The following PPFIA2 variants were observed in gnomAD, a reference collection of about 807,000 sequenced individuals.
PPFIA2 encodes the protein liprin-alpha-2.
A neutral mutation model predicts 175.5 loss-of-function variants in PPFIA2; 46 were observed. That is an observed-to-expected ratio of 0.26 (90% CI 0.21 to 0.34). PPFIA2 has a LOEUF of 0.34. Among genes scored for constraint, PPFIA2 ranks in the 10% least tolerant of loss-of-function variants. The pLI, the probability that PPFIA2 is intolerant of heterozygous loss-of-function variation, is 1.00. For synonymous variants in PPFIA2, 568 were observed against 511.4 expected, an observed-to-expected ratio of 1.11 and a Z score of -1.49; for missense variants, 1,179 against 1,506.1, an observed-to-expected ratio of 0.78 and a Z score of 3.60.
intron 7 of PPFIA2, among the ~76,000 whole-genome samples, chr12:81,422,775 A>G (rs560479293): frequency 1.3e-5 from 2 of 152,214 alleles, no homozygotes; most frequent in East Asian, 3.9e-4. Flanking sequence ...TTGGGTGGGG[A>G]CACAGCCAAA....
chr12:81,447,159 G>A (rs1044253609), intron 5 of PPFIA2, among the ~76,000 whole-genome samples: 3 of 151,776 alleles, frequency 2.0e-5, no homozygotes, highest in Non-Finnish European at 4.4e-5. Context: ...AATAATAGTA[G>A]TTTTTCAGTA....
intron 13 of PPFIA2, chr12:81,368,054 T>G: frequency 8.4e-7 from 1 of 1,189,822 alleles, no homozygotes; most frequent in Non-Finnish European, 1.1e-6. Context: ...TGATTGGCAT[T>G]CAATCTAGAT....
At chr12:81,637,998 C>G (rs1454522844) in intron 4 of PPFIA2, among the ~76,000 whole-genome samples, 2 of 152,190 alleles carry the variant, frequency 1.3e-5, no homozygotes, top group Non-Finnish European at 2.9e-5. Context: ...TGCTCAGTCA[C>G]AGAAGAAGAA....
chr12:81,541,583 T>TA (rs1312715262), intron 4 of PPFIA2, among the ~76,000 whole-genome samples: 4 of 152,024 alleles, frequency 2.6e-5, no homozygotes, highest in South Asian at 2.1e-4. Context: ...TGTTGAAAAA[T>TA]AAAAAAATAC....
intron 8 of PPFIA2, among the ~76,000 whole-genome samples, chr12:81,400,378 C>A: frequency 6.6e-6 from 1 of 152,236 alleles, no homozygotes; most frequent in South Asian, 2.1e-4. Context: ...TTGATAAAGG[C>A]ACATCCCGTA....
chr12:81,502,366 G>T (rs2060677010), intron 4 of PPFIA2, among the ~76,000 whole-genome samples: 1 of 152,184 alleles, frequency 6.6e-6, no homozygotes, highest in South Asian at 2.1e-4. Context: ...TGTAGAATCA[G>T]TTTTCAGTTC....
chr12:81,459,138 T>G (rs992737779), intron 4 of PPFIA2, among the ~76,000 whole-genome samples: 7 of 152,290 alleles, frequency 4.6e-5, no homozygotes, highest in African/African-American at 1.4e-4. Flanking sequence ...AGGGCTTAGA[T>G]TCTAGATGAC....
Position 81,642,720 on chromosome 12 carries a change from T to TGCAATAC in PPFIA2, c.303+34070_303+34071insGTATTGC, listed in dbSNP as rs2065296342. On this transcript the variant is annotated intron_variant, in intron 4 of 32. Transcript: ENST00000549396. Reference sequence around the variant, plus strand: ...TACATGTATATGTATGTATGTATTATATACATACATGTATATGTATGTATG... The same window carrying TGCAATAC: ...TACATGTATATGTATGTATGTATTATGCAATACATACATACATGTATATGTATGTATG... Among the ~76,000 whole-genome samples, 2 of 112,340 alleles carry TGCAATAC rather than the reference T, an allele frequency of 1.8e-5. 1 individual carries two copies. Among genetic ancestry groups the TGCAATAC allele is most frequent in the African/African-American group, 6.6e-5 (2 of 30,122 alleles). 73.7% of individuals were successfully genotyped at this position (112,340 alleles called of 152,430 possible). A position where few individuals can be genotyped will look rare whatever the true frequency, so the allele number is the denominator to read the frequency against.
intron 3 of PPFIA2, among the ~76,000 whole-genome samples, chr12:81,712,498 C>G (rs1463750817): frequency 1.3e-5 from 2 of 151,050 alleles, no homozygotes; most frequent in African/African-American, 4.8e-5. Context: ...GCAGTGTTGC[C>G]TAAGCTCCTA....
chr12:81,360,156 C>T (rs1313256305), intron 15 of PPFIA2, among the ~76,000 whole-genome samples: 1 of 151,892 alleles, frequency 6.6e-6, no homozygotes, highest in Non-Finnish European at 1.5e-5. Flanking sequence ...TCCTCAAACT[C>T]ATCTCTCTCC....
chr12:81,365,471 T>A (rs984955150), intron 14 of PPFIA2, among the ~76,000 whole-genome samples: 5 of 151,606 alleles, frequency 3.3e-5, no homozygotes, highest in African/African-American at 9.7e-5. Context: ...TGGTAGGTGG[T>A]GGGGGAGTGG....
intron 7 of PPFIA2, among the ~76,000 whole-genome samples, chr12:81,418,993 C>A (rs559699907): frequency 6.6e-6 from 1 of 151,880 alleles, no homozygotes; most frequent in South Asian, 2.1e-4. Context: ...ATGTCAATTG[C>A]ATTTTCAATA....
rs1177883596 is a variant in PPFIA2 at position 81,259,216 on chromosome 12, A to C, written c.*478T>G. ...ATCCAAAAACTGTAAAAATGGTGGA[A>C]TGGTAAAATACAAACAGTACTTGGA... On this transcript the variant is annotated 3_prime_UTR_variant, in exon 33 of 33. Coordinates refer to ENST00000549396, the MANE Select transcript of PPFIA2 (RefSeq NM_003625.5). The C allele has an allele frequency of 8.7e-6, 2 of 229,488 alleles. No individual in the cohort carries two copies. The highest frequency in any genetic ancestry group is 8.7e-6 in the Non-Finnish European group (1 of 115,444). The allele number at this position is 229,488 out of a possible 1,614,324, so 14.2% of individuals were successfully genotyped here.
intron 24 of PPFIA2, among the ~76,000 whole-genome samples, chr12:81,289,892 C>A (rs539208063): frequency 2.6e-5 from 4 of 151,830 alleles, no homozygotes; most frequent in Non-Finnish European, 5.9e-5. Context: ...CTCTATCCTA[C>A]TAGGTAAGAG....
chr12:81,662,197 A>G (rs1186998385), intron 4 of PPFIA2, among the ~76,000 whole-genome samples: 3 of 152,178 alleles, frequency 2.0e-5, no homozygotes, highest in Non-Finnish European at 2.9e-5. Context: ...AATAACTAAG[A>G]TAAGAGCAGA....
At chr12:81,382,795 G>T (rs970718469) in intron 9 of PPFIA2, among the ~76,000 whole-genome samples, 2 of 152,056 alleles carry the variant, frequency 1.3e-5, no homozygotes, top group Non-Finnish European at 2.9e-5. Flanking sequence ...CTGGAAATCA[G>T]GAAAGAAGGA....
At chr12:81,618,335 T>C (rs2061623864) in intron 4 of PPFIA2, among the ~76,000 whole-genome samples, 1 of 151,998 alleles carries the variant, frequency 6.6e-6, no homozygotes, top group Non-Finnish European at 1.5e-5. Flanking sequence ...TCATTCCTAG[T>C]ATGTAGGAAC....
At chr12:81,691,403 A>T (rs2075225861) in intron 3 of PPFIA2, among the ~76,000 whole-genome samples, 1 of 152,162 alleles carries the variant, frequency 6.6e-6, no homozygotes, top group Non-Finnish European at 1.5e-5. Context: ...AAATAAATGG[A>T]AAGACAGTTT....
intron 3 of PPFIA2, among the ~76,000 whole-genome samples, chr12:81,727,622 T>A (rs1301198017): frequency 1.3e-5 from 2 of 151,322 alleles, no homozygotes; most frequent in Admixed American, 1.3e-4. Context: ...TTTAACAAAG[T>A]CTCCAGCTGA....
Sources: allele counts gnomAD v4.1 joint callset (sites outside exome capture counted in the v4.1 genomes callset), GRCh38; gene constraint gnomAD v4.1.1; transcripts MANE v1.5; gene names NCBI Gene and HGNC (gene_info 2026-07-23, HGNC 2026-07-21).